RERE: variants seen among roughly 807,000 people sequenced by gnomAD.
The protein encoded by RERE is arginine-glutamic acid dipeptide repeats, also known as arginine-glutamic acid dipeptide repeats protein.
A neutral mutation model predicts 146.1 loss-of-function variants in RERE; 40 were observed. The observed-to-expected ratio is 0.27, with a 90% CI of 0.21 to 0.36. The LOEUF (loss-of-function observed/expected upper bound fraction) is 0.36. Among genes scored for constraint, RERE ranks in the 10% least tolerant of loss-of-function variants. RERE has a pLI of 1.00. For missense variants in RERE, 1,933 were observed against 2,138.7 expected, an observed-to-expected ratio of 0.90 and a Z score of 1.90; for synonymous variants, 1,003 against 866.0, an observed-to-expected ratio of 1.16 and a Z score of -2.78.
chr1:8,404,448 A>C (rs1048664951), intron 12 of RERE, among the ~76,000 whole-genome samples: 5 of 151,746 alleles, frequency 3.3e-5, no homozygotes, highest in African/African-American at 9.7e-5. Context: ...AAAAAAAGAG[A>C]TGGAGTCTCA....
chr1:8,574,968 TAA>T (rs1570458336), intron 4 of RERE, among the ~76,000 whole-genome samples: 1 of 152,336 alleles, frequency 6.6e-6, no homozygotes, highest in African/African-American at 2.4e-5. Context: ...TTTCTAAAAT[TAA>T]AAGTCTAATT....
intron 12 of RERE, among the ~76,000 whole-genome samples, chr1:8,402,082 T>C (rs1184074817): frequency 6.6e-6 from 1 of 152,152 alleles, no homozygotes; most frequent in African/African-American, 2.4e-5. Context: ...TTGGCCAGGA[T>C]GGTCTCAATC....
intron 7 of RERE, among the ~76,000 whole-genome samples, chr1:8,529,802 G>A (rs563965967): frequency 9.9e-5 from 15 of 152,168 alleles, no homozygotes; most frequent in African/African-American, 2.4e-4. Context: ...TCTTGAAACC[G>A]AGCAGTTCCA....
Position 8,656,294 on chromosome 1 carries a change from T to C in RERE, c.4A>G (p.Thr2Ala), listed in dbSNP as rs1459831671. ...TCTTTGTCTTTGTCTTTGTCCGCTGTCATGATTCGCCACGTGCCTTCTTCT... is the reference window on the plus strand; with the variant it reads ...TCTTTGTCTTTGTCTTTGTCCGCTGCCATGATTCGCCACGTGCCTTCTTCT... M[T>A]ADKDKDKDKE... Residue 2 changes from threonine (T) to alanine (A), a missense_variant, in exon 2 of 23, where the codon ACA becomes GCA. Thr to Ala is a moderately conservative substitution (Grantham distance 58). Transcript: ENST00000400908. 1.2e-6 allele frequency: 2 copies of C among 1,612,690 alleles called. No homozygotes were observed. Among genetic ancestry groups the C allele is most frequent in the Non-Finnish European group, 1.7e-6 (2 of 1,179,268 alleles).
At chr1:8,444,754 A>T (rs1194080146) in intron 11 of RERE, among the ~76,000 whole-genome samples, 1 of 152,106 alleles carries the variant, frequency 6.6e-6, no homozygotes, top group Non-Finnish European at 1.5e-5. Context: ...AGTGTGTAGC[A>T]GCCCCACCCC....
intron 6 of RERE, among the ~76,000 whole-genome samples, chr1:8,550,528 T>TTTGTTG (rs371325081): frequency 7.9e-5 from 12 of 152,128 alleles, no homozygotes; most frequent in South Asian, 2.1e-4. Context: ...AAGGGTGTTT[T>TTTGTTG]TTGTTGTTGT....
intron 3 of RERE, among the ~76,000 whole-genome samples, chr1:8,623,159 G>A (rs1646936314): frequency 6.6e-6 from 1 of 152,144 alleles, no homozygotes; most frequent in Admixed American, 6.6e-5. Flanking sequence ...AACAAACAGT[G>A]GTTCCCGGCT....
rs765127619 is a variant in RERE, at chr1:8,360,217, G to T, written c.3290C>A (p.Ala1097Asp). The change falls in exon 18 of 23, where the codon GCT becomes GAT. Residue 1097 changes from alanine (A) to aspartate (D), a missense_variant. Ala to Asp is a moderately radical substitution (Grantham distance 126). Coordinates refer to ENST00000400908, the MANE Select transcript of RERE (RefSeq NM_001042681.2). ...PLPTVQIKEEALDDAEEPESP... is the reference protein window; with the variant it reads ...PLPTVQIKEEDLDDAEEPESP... The stretch of plus-strand genomic sequence containing the variant: ...CTCAGGCTCCTCAGCGTCGTCCAGA[G>T]CCTCCTCCTTGATCTGGACGGTGGG... 2.5e-6 allele frequency: 4 copies of T among 1,590,562 alleles called. No individual in the cohort carries two copies. The highest frequency in any genetic ancestry group is 3.4e-6 in the Non-Finnish European group (4 of 1,169,544).
At chr1:8,598,383 C>T (rs6666191) in intron 4 of RERE, among the ~76,000 whole-genome samples, 87,318 of 152,088 alleles carry the variant, frequency 0.57, 25,903 homozygotes, top group East Asian at 0.83. Context: ...ACAGGTGGGA[C>T]GTGAAGGGCA....
intron 1 of RERE, among the ~76,000 whole-genome samples, chr1:8,749,413 C>A: frequency 6.6e-6 from 1 of 150,562 alleles, no homozygotes; most frequent in African/African-American, 2.4e-5. Context: ...ATGAAAACAA[C>A]ACAATTTTGC....
rs370962200 is a variant in RERE at position 8,360,259 on chromosome 1, C to T, written c.3248G>A (p.Gly1083Glu). ...GACGGTGGGGAGTGGGCAGGACGAC[C>T]CCCCCGCTATGCTGCCTCCTGAAGC... ...AAASGGSIAGGSSCPLPTVQI... is the reference protein window; with the variant it reads ...AAASGGSIAGESSCPLPTVQI... Residue 1083 changes from glycine to glutamate, a missense_variant, in exon 18 of 23, where the codon GGG becomes GAG. By Grantham distance (98) the Gly-to-Glu change is moderately conservative. This residue lies in a region of RERE where 1,255 missense variants were observed against 1,153.8 expected (regional missense o/e 1.09). Transcript: ENST00000400908. 1.3e-6 allele frequency: 2 copies of T among 1,574,146 alleles called. No individual in the cohort carries two copies. Among genetic ancestry groups the T allele is most frequent in the Non-Finnish European group, 1.7e-6 (2 of 1,161,184 alleles).
intron 4 of RERE, among the ~76,000 whole-genome samples, chr1:8,602,794 A>G (rs1178717189): frequency 4.6e-5 from 7 of 152,180 alleles, no homozygotes; most frequent in African/African-American, 1.4e-4. Flanking sequence ...AGTCCCATGC[A>G]TTTAATTTAT....
intron 7 of RERE, chr1:8,526,098 C>A: frequency 4.5e-6 from 5 of 1,107,632 alleles, no homozygotes; most frequent in Non-Finnish European, 5.5e-6. Flanking sequence ...CTTCTCCCTG[C>A]ACACCAAGCT....
intron 12 of RERE, among the ~76,000 whole-genome samples, chr1:8,385,549 G>A (rs1642607635): frequency 6.6e-6 from 1 of 152,104 alleles, no homozygotes; most frequent in Admixed American, 6.5e-5. Flanking sequence ...GATGCCAAAA[G>A]GACCCTGAAG....
At chr1:8,425,148 G>A (rs1643992400) in intron 11 of RERE, 1 of 152,242 alleles carries the variant, frequency 6.6e-6, no homozygotes, top group African/African-American at 2.4e-5. Flanking sequence ...GTTCAGGTAT[G>A]AGATGAGGAC....
At chr1:8,492,639 C>A (rs141820919) in intron 10 of RERE, among the ~76,000 whole-genome samples, 1 of 152,192 alleles carries the variant, frequency 6.6e-6, no homozygotes, top group South Asian at 2.1e-4. Flanking sequence ...GTGGCACACA[C>A]CTGTAATCCC....
intron 8 of RERE, among the ~76,000 whole-genome samples, chr1:8,499,400 G>C (rs904614901): frequency 6.6e-6 from 1 of 152,182 alleles, no homozygotes; most frequent in Non-Finnish European, 1.5e-5. Context: ...AGTGGCTCCC[G>C]ACCTGGATGT....
intron 16 of RERE, among the ~76,000 whole-genome samples, 181 bp from the exon 17 acceptor site, chr1:8,362,057 G>A (rs1270668047): frequency 1.3e-5 from 2 of 152,258 alleles, no homozygotes; most frequent in East Asian, 3.9e-4. Context: ...GGGTGGGAAT[G>A]AGAGCCAGCC....
chr1:8,393,413 C>A (rs981671493), intron 12 of RERE, among the ~76,000 whole-genome samples: 2 of 152,118 alleles, frequency 1.3e-5, no homozygotes, highest in Non-Finnish European at 2.9e-5. Context: ...CTGATTGGAC[C>A]GTAGCATGAC....
Sources: gnomAD v4.1 joint callset for allele counts (sites outside exome capture counted in the v4.1 genomes callset) on GRCh38, gnomAD v4.1.1 for gene constraint, gnomAD v4.1.1 regional missense constraint, MANE v1.5 for transcripts, NCBI Gene and HGNC (gene_info 2026-07-23, HGNC 2026-07-21) for gene names.